The following MAGI2 variants were observed in gnomAD, a reference collection of about 807,000 sequenced individuals.
MAGI2 encodes membrane-associated guanylate kinase, WW and PDZ domain-containing protein 2.
In MAGI2, 35 loss-of-function variants were observed where a neutral mutation model predicts 133.3. That is an observed-to-expected ratio of 0.26 (90% CI 0.20 to 0.35). The LOEUF (loss-of-function observed/expected upper bound fraction) is 0.35, where lower values mean the gene tolerates loss of function less well. Ranked by LOEUF, MAGI2 falls within the 10% of genes least tolerant of loss-of-function variation. The pLI is 1.00. For missense variants in MAGI2, 1,636 were observed against 1,863.4 expected (o/e 0.88, Z 2.25); for synonymous variants, 729 against 710.6 (o/e 1.03, Z -0.41).
intron 3 of MAGI2, among the ~76,000 whole-genome samples, chr7:78,624,596 T>C (rs1808122155): frequency 6.6e-6 from 1 of 152,062 alleles, no homozygotes; most frequent in African/African-American, 2.4e-5. Context: ...AGTTGGTTGA[T>C]GAGAACACAT....
At chr7:79,155,678 C>T (rs1234012826) in intron 1 of MAGI2, among the ~76,000 whole-genome samples, 4 of 152,032 alleles carry the variant, frequency 2.6e-5, no homozygotes, top group African/African-American at 9.7e-5. Context: ...ATAGCATGTG[C>T]AAAGGTCATC....
chr7:78,522,899 A>G lies in MAGI2; in HGVS notation c.539-1254T>C, dbSNP rs117074746. Among the ~76,000 whole-genome samples the G allele has an allele frequency of 3.9e-4, 60 of 152,286 alleles. No individual in the cohort carries two copies. The East Asian group carries it at 7.1e-3, about 18-fold the overall frequency. On this transcript the variant is annotated intron_variant, in intron 3 of 21. Coordinates refer to ENST00000354212, the MANE Select transcript of MAGI2 (RefSeq NM_012301.4). ...GTTATGCACCCAGGCACTCCAGTAT[A>G]TGTTTGAGAGAAAAAGGATGAATAC... is the stretch of plus-strand genomic sequence containing the variant.
At chr7:78,340,508 G>A (rs534565101) in intron 9 of MAGI2, among the ~76,000 whole-genome samples, 2 of 152,196 alleles carry the variant, frequency 1.3e-5, no homozygotes, top group Non-Finnish European at 2.9e-5. Flanking sequence ...AACAAAAAAA[G>A]AAAATTTCAG....
At chr7:78,427,102 C>A (rs1181815664) in intron 6 of MAGI2, among the ~76,000 whole-genome samples, 2 of 151,688 alleles carry the variant, frequency 1.3e-5, no homozygotes, top group Non-Finnish European at 2.9e-5. Flanking sequence ...CCACTAAAAA[C>A]AAATGACAAA....
intron 2 of MAGI2, among the ~76,000 whole-genome samples, chr7:78,879,897 T>G (rs370041126): frequency 6.6e-4 from 100 of 152,188 alleles, no homozygotes; most frequent in African/African-American, 2.3e-3. Flanking sequence ...CTTCTGGAAT[T>G]GCAAAACTTC....
intron 7 of MAGI2, among the ~76,000 whole-genome samples, chr7:78,356,525 C>T (rs186174547): frequency 6.6e-6 from 1 of 152,274 alleles, no homozygotes; most frequent in African/African-American, 2.4e-5. Flanking sequence ...ATGCTAATTA[C>T]CCTCATCTGA....
intron 1 of MAGI2, among the ~76,000 whole-genome samples, chr7:79,138,848 A>T (rs1364113414): frequency 6.6e-6 from 1 of 152,016 alleles, no homozygotes; most frequent in South Asian, 2.1e-4. Flanking sequence ...TACTAAAAAT[A>T]CAAAAAAATT....
chr7:79,274,748 C>A (rs1320308893), intron 1 of MAGI2, among the ~76,000 whole-genome samples: 1 of 152,112 alleles, frequency 6.6e-6, no homozygotes, highest in African/African-American at 2.4e-5. Context: ...CGATGCCAGG[C>A]AAGTCTATCA....
intron 3 of MAGI2, among the ~76,000 whole-genome samples, chr7:78,541,172 G>A (rs1798387356): frequency 6.6e-6 from 1 of 151,976 alleles, no homozygotes; most frequent in African/African-American, 2.4e-5. Flanking sequence ...CTGTGGGCTG[G>A]CAACACCAGG....
rs569841421 is a variant in MAGI2 at position 78,076,428 on chromosome 7, C to T, written c.3706+2519G>A. On this transcript the variant is annotated intron_variant, in intron 21 of 21. Transcript: ENST00000354212. Reference sequence around the variant, plus strand: ...GAACCAAGATCACACCACTCCACTCCAGTCTGGGCGACAGAGACCTTGTTT... The same window carrying T: ...GAACCAAGATCACACCACTCCACTCTAGTCTGGGCGACAGAGACCTTGTTT... 2.1e-5 allele frequency among the ~76,000 whole-genome samples: 3 copies of T among 140,164 alleles called. No individual in the cohort carries two copies. The South Asian group carries it at 6.7e-4, about 31-fold the overall frequency. 92.0% of individuals were successfully genotyped at this position (140,164 alleles called of 152,430 possible).
At chr7:78,099,570 T>C (rs1818019034) in intron 20 of MAGI2, among the ~76,000 whole-genome samples, 1 of 152,180 alleles carries the variant, frequency 6.6e-6, no homozygotes, top group Admixed American at 6.5e-5. Context: ...AGAAGAACTG[T>C]ATAATGCCAT....
intron 1 of MAGI2, among the ~76,000 whole-genome samples, chr7:79,216,681 T>A (rs1392649197): frequency 6.6e-6 from 1 of 152,098 alleles, no homozygotes; most frequent in Non-Finnish European, 1.5e-5. Flanking sequence ...CTGTTGCATG[T>A]CCTGCAAGGG....
At chr7:78,295,692 C>T (rs1797158339) in intron 9 of MAGI2, among the ~76,000 whole-genome samples, 1 of 152,144 alleles carries the variant, frequency 6.6e-6, no homozygotes, top group Admixed American at 6.6e-5. Flanking sequence ...CATAGATAAT[C>T]TCATCCGATC....
At chr7:79,394,117 T>A (rs778441572) in intron 1 of MAGI2, among the ~76,000 whole-genome samples, 4 of 152,118 alleles carry the variant, frequency 2.6e-5, no homozygotes, top group Non-Finnish European at 4.4e-5. Flanking sequence ...GGATCCCAGA[T>A]GGAAGTAGCC....
At chr7:79,101,651 G>T (rs548867905) in intron 1 of MAGI2, among the ~76,000 whole-genome samples, 1 of 149,152 alleles carries the variant, frequency 6.7e-6, no homozygotes, top group South Asian at 2.1e-4. Flanking sequence ...GGGAACCCGG[G>T]AGGTGGAGCT....
At chr7:78,895,451 G>A (rs1797129672) in intron 2 of MAGI2, among the ~76,000 whole-genome samples, 1 of 152,064 alleles carries the variant, frequency 6.6e-6, no homozygotes, top group African/African-American at 2.4e-5. Flanking sequence ...CTTCAAGACT[G>A]TAATGATGAA....
chr7:78,219,550 CA>C (rs1441953598), intron 10 of MAGI2, among the ~76,000 whole-genome samples: 5 of 152,146 alleles, frequency 3.3e-5, no homozygotes, highest in African/African-American at 1.2e-4. Flanking sequence ...CCTTCTAAAT[CA>C]GCCTTGTCCT....
intron 2 of MAGI2, among the ~76,000 whole-genome samples, chr7:78,928,504 T>G (rs931276933): frequency 5.9e-5 from 9 of 152,144 alleles, no homozygotes; most frequent in African/African-American, 1.7e-4. Flanking sequence ...TACACCCTTT[T>G]TAGGTAACTA....
intron 3 of MAGI2, among the ~76,000 whole-genome samples, chr7:78,560,125 G>A (rs1271737400): frequency 6.6e-6 from 1 of 152,090 alleles, no homozygotes; most frequent in Non-Finnish European, 1.5e-5. Context: ...TGAGAAGGTT[G>A]AAGTTGAGAA....
Sources: allele counts gnomAD v4.1 joint callset (sites outside exome capture counted in the v4.1 genomes callset), GRCh38; gene constraint gnomAD v4.1.1; transcripts MANE v1.5; gene names NCBI Gene and HGNC (gene_info 2026-07-23, HGNC 2026-07-21).